The following NLGN4X variants were observed in gnomAD, a reference collection of about 807,000 sequenced individuals.
The protein encoded by NLGN4X is neuroligin 4 X-linked.
NLGN4X carries 3 observed loss-of-function variants against 40.3 expected under a neutral mutation model. That is an observed-to-expected ratio of 0.07 (90% CI 0.03 to 0.19). The LOEUF (loss-of-function observed/expected upper bound fraction) is 0.19, where lower values mean the gene tolerates loss of function less well. Among genes scored for constraint, NLGN4X ranks in the 10% least tolerant of loss-of-function variants. The pLI is 1.00. For missense variants in NLGN4X, 382 were observed against 708.3 expected, an observed-to-expected ratio of 0.54 and a Z score of 5.23; for synonymous variants, 270 against 306.8, an observed-to-expected ratio of 0.88 and a Z score of 1.25.
At chrX:5,972,608 A>G (rs966488495) in intron 3 of NLGN4X, among the ~76,000 whole-genome samples, 8 of 111,876 alleles carry the variant, frequency 7.2e-5, no homozygotes, top group African/African-American at 2.6e-4. Flanking sequence ...ATACAAAATG[A>G]AAAAGATTCA....
chrX:6,200,682 C>CTTTTTTTTTTTTTT (rs775377499), intron 1 of NLGN4X, among the ~76,000 whole-genome samples: 1 of 71,652 alleles, frequency 1.4e-5, no homozygotes, highest in Non-Finnish European at 2.4e-5. Flanking sequence ...TATTCCTTTC[C>CTTTTTTTTTTTTTT]TTTTCTTTTT....
chrX:5,984,291 A>G (rs1407095291), intron 3 of NLGN4X, among the ~76,000 whole-genome samples: 1 of 110,896 alleles, frequency 9.0e-6, no homozygotes, highest in African/African-American at 3.3e-5. Flanking sequence ...CATTAGATAC[A>G]GTAGAAAAGA....
chrX:5,940,119 T>C lies in NLGN4X; in HGVS notation c.626-30880A>G, dbSNP rs1005622863. Among the ~76,000 whole-genome samples the C allele has an allele frequency of 2.7e-5, 3 of 110,437 alleles. 1 individual carries two copies. The highest frequency in any genetic ancestry group is 9.9e-5 in the African/African-American group (3 of 30,318). On this transcript the variant is annotated intron_variant, in intron 3 of 5. Coordinates refer to ENST00000381095, the MANE Select transcript of NLGN4X (RefSeq NM_181332.3). ...GCTGGGATACATTATTTCTCATGCA[T>C]TTCTTATCCAGTACTAGAAACCACA...
At chrX:6,043,143 A>ACACT (rs2037221166) in intron 2 of NLGN4X, among the ~76,000 whole-genome samples, 1 of 104,065 alleles carries the variant, frequency 9.6e-6, no homozygotes, top group African/African-American at 3.6e-5. Context: ...ATACACACAC[A>ACACT]CACACACACA....
intron 3 of NLGN4X, among the ~76,000 whole-genome samples, chrX:5,911,324 C>T (rs942062031): frequency 1.8e-5 from 2 of 111,987 alleles, no homozygotes; most frequent in East Asian, 2.8e-4. Flanking sequence ...ATTTTCAACA[C>T]GCAGGAAATC....
intron 4 of NLGN4X, among the ~76,000 whole-genome samples, chrX:5,908,779 G>T (rs1261759560): frequency 8.9e-6 from 1 of 111,770 alleles, no homozygotes; most frequent in Non-Finnish European, 1.9e-5. Context: ...GTAGTCCCAG[G>T]TATTCAGGAG....
intron 3 of NLGN4X, among the ~76,000 whole-genome samples, chrX:6,027,907 A>C (rs1417672835): frequency 9.2e-6 from 1 of 108,301 alleles, no homozygotes. Context: ...ACCTCGACCT[A>C]CTGGGTTCCA....
chrX:5,974,980 A>C (rs890271340), intron 3 of NLGN4X, among the ~76,000 whole-genome samples: 1 of 111,642 alleles, frequency 9.0e-6, no homozygotes, highest in African/African-American at 3.3e-5. Context: ...CTACTAAGTG[A>C]CTAAGGGTCA....
chrX:6,010,728 C>CAGGCTGGTA (rs1482528606), intron 3 of NLGN4X, among the ~76,000 whole-genome samples: 2 of 109,407 alleles, frequency 1.8e-5, no homozygotes, highest in African/African-American at 6.7e-5. Context: ...GGGGTATTGC[C>CAGGCTGGTA]ATGTTGGCCA....
At position 6,177,156 on chromosome X, in the gene NLGN4X, T is replaced by G. The variant is rs191138247; in HGVS notation, c.-305-25385A>C. 3.0e-3 allele frequency among the ~76,000 whole-genome samples: 333 copies of G among 111,751 alleles called. 2 individuals are homozygous for G. Among genetic ancestry groups the G allele is most frequent in the African/African-American group, 0.01 (309 of 30,714 alleles). On this transcript the variant is annotated intron_variant, in intron 1 of 5. Transcript: ENST00000381095. Reference sequence around the variant, plus strand: ...ACCCTGTTCTATCCATCATTGCTTTTTGTTTGATTGTTTTGTTTTTGAGAC... The same window carrying G: ...ACCCTGTTCTATCCATCATTGCTTTGTGTTTGATTGTTTTGTTTTTGAGAC...
At chrX:5,914,729 A>G (rs972620337) in intron 3 of NLGN4X, among the ~76,000 whole-genome samples, 7 of 111,354 alleles carry the variant, frequency 6.3e-5, no homozygotes. Flanking sequence ...GTGACACCAA[A>G]CAGAAAATGT....
rs189077840 is a variant in NLGN4X, at chrX:6,051,423, G to A, written c.473-21991C>T. Among the ~76,000 whole-genome samples the A allele has an allele frequency of 4.5e-5, 5 of 111,273 alleles. No individual in the cohort carries two copies. The East Asian group carries it at 1.1e-3, about 25-fold the overall frequency. ...TTGGAGATAAAATCATCACAGATTT[G>A]CAGTGGTCCCTAGACCCAATGACTA... On this transcript the variant is annotated intron_variant, in intron 2 of 5. Coordinates refer to ENST00000381095, the MANE Select transcript of NLGN4X (RefSeq NM_181332.3).
intron 1 of NLGN4X, among the ~76,000 whole-genome samples, chrX:6,196,667 T>C (rs1923120186): frequency 9.2e-6 from 1 of 108,967 alleles, no homozygotes; most frequent in Non-Finnish European, 1.9e-5. Flanking sequence ...TAGGAGTGTG[T>C]TCACAGTTGC....
At chrX:6,075,474 A>C (rs1362456573) in intron 2 of NLGN4X, among the ~76,000 whole-genome samples, 1 of 111,801 alleles carries the variant, frequency 8.9e-6, no homozygotes, top group Non-Finnish European at 1.9e-5. Context: ...CTGAAGAAGA[A>C]AGGTGCACCT....
intron 3 of NLGN4X, among the ~76,000 whole-genome samples, chrX:6,013,739 T>A (rs2036315756): frequency 3.6e-5 from 4 of 110,153 alleles, no homozygotes; most frequent in South Asian, 4.0e-4. Context: ...ATGTCTGTAG[T>A]CCCAGCTTCT....
intron 1 of NLGN4X, among the ~76,000 whole-genome samples, chrX:6,224,802 A>G (rs1926006206): frequency 9.3e-6 from 1 of 107,330 alleles, no homozygotes; most frequent in Non-Finnish European, 1.9e-5. Flanking sequence ...CATCTTTAAA[A>G]CTGCATCCAC....
chrX:6,154,577 C>T (rs1043849045), intron 1 of NLGN4X, among the ~76,000 whole-genome samples: 3 of 109,548 alleles, frequency 2.7e-5, no homozygotes, highest in African/African-American at 6.6e-5. Flanking sequence ...AAGGGTGAAA[C>T]GTGGTTATTG....
At chrX:6,166,845 G>A (rs1053434133) in intron 1 of NLGN4X, among the ~76,000 whole-genome samples, 35 of 110,544 alleles carry the variant, frequency 3.2e-4, no homozygotes, top group Admixed American at 9.7e-5. Flanking sequence ...GCTGAGGCGG[G>A]AGGATCACTT....
chrX:6,057,030 A>G (rs1280305657), intron 2 of NLGN4X, among the ~76,000 whole-genome samples: 1 of 112,181 alleles, frequency 8.9e-6, no homozygotes, highest in Non-Finnish European at 1.9e-5. Context: ...GAAGCAGCAT[A>G]GGAAAATGAG....
Sources: allele counts gnomAD v4.1 joint callset (sites outside exome capture counted in the v4.1 genomes callset), GRCh38; gene constraint gnomAD v4.1.1; transcripts MANE v1.5; gene names NCBI Gene and HGNC (gene_info 2026-07-23, HGNC 2026-07-21).